The following BAIAP3 variants were observed in gnomAD, a reference collection of about 807,000 sequenced individuals.
The protein encoded by BAIAP3 is BAI1 associated protein 3.
Under a neutral mutation model 149.7 loss-of-function variants are expected in BAIAP3, and 180 were observed. That is an observed-to-expected ratio of 1.20 (90% CI 1.07 to 1.36). The LOEUF (loss-of-function observed/expected upper bound fraction) is 1.36, where lower values mean the gene tolerates loss of function less well. Among genes scored for constraint, BAIAP3 ranks in the 40% most tolerant of loss-of-function variants. The pLI, the probability that BAIAP3 is intolerant of heterozygous loss-of-function variation, is 0.00. For synonymous variants in BAIAP3, 845 were observed against 670.7 expected, an observed-to-expected ratio of 1.26 and a Z score of -4.02; for missense variants, 1,767 against 1,563.4, an observed-to-expected ratio of 1.13 and a Z score of -2.20.
Position 1,340,987 on chromosome 16 carries a change from G to T in BAIAP3, c.468+6G>T, listed in dbSNP as rs760196266. 3 of 1,599,740 alleles carry T rather than the reference G, an allele frequency of 1.9e-6. No homozygotes were observed. The highest frequency in any genetic ancestry group is 2.6e-6 in the Non-Finnish European group (3 of 1,174,018). ...AGCGAGTGAGGAAGGCCAAGGTGAG[G>T]CCGCCACTGCCTGGGCAGGCACTGA... On this transcript the variant is annotated splice_donor_region_variant and intron_variant, in intron 6 of 33. Coordinates refer to ENST00000426824, the MANE Select transcript of BAIAP3 (RefSeq NM_001199097.2).
In BAIAP3 at chr16:1,347,821, G is replaced by A. The variant is rs767985533; in HGVS notation, c.3025G>A (p.Gly1009Ser). Residue 1009 changes from glycine to serine, a missense_variant and splice_region_variant, in exon 31 of 34, where the codon GGC becomes AGC. Coordinates refer to ENST00000426824, the MANE Select transcript of BAIAP3 (RefSeq NM_001199097.2). ...GGACCTGCTCCCCCTGGACGCCAAC[G>A]GTGAGTTGCAGCGGGGACGGGTCGG... is the stretch of plus-strand genomic sequence containing the variant. ...AADLLPLDANGLSDPFVIVEL... is the reference protein window; with the variant it reads ...AADLLPLDANSLSDPFVIVEL... The A allele has an allele frequency of 1.5e-4, 234 of 1,603,538 alleles. 3 individuals carry two copies. The South Asian group carries it at 2.1e-3, about 14-fold the overall frequency.
At position 1,341,045 on chromosome 16, in the gene BAIAP3, C is replaced by T. The variant is rs1227260940; in HGVS notation, c.468+64C>T. On this transcript the variant is annotated intron_variant, in intron 6 of 33. Coordinates refer to ENST00000426824, the MANE Select transcript of BAIAP3 (RefSeq NM_001199097.2). Reference sequence around the variant, plus strand: ...GTGCCTGCGTGGCGGGGGCACGGGGCAAGGCCCTGTCACCTCCATGCTAAG... The same window carrying T: ...GTGCCTGCGTGGCGGGGGCACGGGGTAAGGCCCTGTCACCTCCATGCTAAG... 1.5e-5 allele frequency: 24 copies of T among 1,610,336 alleles called. No individual in the cohort carries two copies. The Admixed American group carries it at 4.0e-4, about 27-fold the overall frequency.
In BAIAP3 at chr16:1,338,886, C is replaced by T. The variant is rs751994231; in HGVS notation, c.132-16C>T. On this transcript the variant is annotated splice_polypyrimidine_tract_variant and intron_variant, in intron 2 of 33. Coordinates refer to ENST00000426824, the MANE Select transcript of BAIAP3 (RefSeq NM_001199097.2). Reference sequence around the variant, plus strand: ...AGCGTGCTGAGAGCTGTGAGCTGACCCGGCTCTTTCTCCAGGAAACCCGGG... The same window carrying T: ...AGCGTGCTGAGAGCTGTGAGCTGACTCGGCTCTTTCTCCAGGAAACCCGGG... 4 of 1,612,716 alleles carry T rather than the reference C, an allele frequency of 2.5e-6. No homozygotes were observed. In the African/African-American group the frequency reaches 4.0e-5, roughly 16 times the overall value.
rs762403186 is a variant in BAIAP3 at position 1,342,075 on chromosome 16, G to A, written c.854+12G>A. 1.3e-5 allele frequency: 20 copies of A among 1,593,044 alleles called. No individual in the cohort carries two copies. Among genetic ancestry groups the A allele is most frequent in the Non-Finnish European group, 1.5e-5 (17 of 1,169,402 alleles). On this transcript the variant is annotated intron_variant, in intron 10 of 33. Transcript: ENST00000426824. ...AAGGGCATGGGCAGGTATGACTGCTGGGACCTTTCTACCCATCACCCGTGC... is the reference window on the plus strand; with the variant it reads ...AAGGGCATGGGCAGGTATGACTGCTAGGACCTTTCTACCCATCACCCGTGC...
At chr16:1,341,931 C>T in intron 9 of BAIAP3, 55 bp from the exon 10 acceptor site, 2 of 1,589,854 alleles carry the variant, frequency 1.3e-6, no homozygotes, top group South Asian at 1.1e-5. Flanking sequence ...GCAGGACGGA[C>T]TCAGGGCCCG....
intron 5 of BAIAP3, 24 bp downstream of exon 5, chr16:1,339,627 C>T (rs533648313): frequency 6.4e-7 from 1 of 1,570,822 alleles, no homozygotes; most frequent in South Asian, 1.1e-5. Context: ...GACCCCGACC[C>T]AGACCCTGAC....
intron 1 of BAIAP3, chr16:1,334,818 G>A: frequency 2.1e-6 from 3 of 1,444,328 alleles, no homozygotes; most frequent in Non-Finnish European, 1.9e-6. Flanking sequence ...GAGTCGGGGG[G>A]CTGAGGGAGG....
At position 1,342,874 on chromosome 16, in the gene BAIAP3, G is replaced by T. The variant is rs761744186; in HGVS notation, c.1162-39G>T. On this transcript the variant is annotated intron_variant, in intron 13 of 33. Transcript: ENST00000426824. The stretch of plus-strand genomic sequence containing the variant: ...AGGGGGCCTGAGGAGGGGATGTGGG[G>T]CTGTCCCGCCTCCACCCACGACAGA... The T allele has an allele frequency of 1.6e-5, 25 of 1,611,712 alleles. No homozygotes were observed. In the South Asian group the frequency reaches 2.5e-4, roughly 16 times the overall value.
intron 14 of BAIAP3, 159 bp from the exon 15 acceptor site, chr16:1,343,234 G>C: frequency 1.6e-6 from 2 of 1,224,552 alleles, no homozygotes; most frequent in East Asian, 2.6e-5. Flanking sequence ...GAGTAGGTAC[G>C]GCAGCGCTAA....
In BAIAP3 at chr16:1,346,519, C is replaced by CG; in HGVS notation, c.2562+13dup. On this transcript the variant is annotated intron_variant, in intron 26 of 33. Transcript: ENST00000426824. Reference sequence around the variant, plus strand: ...CCATCCAGAACGATGAGGTGAGTGCCGGGGCGAGGGGCCGTGGAGGACTGT... The same window carrying CG: ...CCATCCAGAACGATGAGGTGAGTGCCGGGGGCGAGGGGCCGTGGAGGACTGT... 6.2e-7 allele frequency: 1 copy of CG among 1,607,390 alleles called. No homozygotes were observed. The highest frequency in any genetic ancestry group is 8.5e-7 in the Non-Finnish European group (1 of 1,177,390).
chr16:1,343,081 G>T, intron 14 of BAIAP3, 65 bp downstream of exon 14: 2 of 1,477,300 alleles, frequency 1.4e-6, no homozygotes, highest in Middle Eastern at 2.2e-4. Flanking sequence ...GGGCATCGGG[G>T]GCCATGCGGT....
chr16:1,346,479 G>T lies in BAIAP3; in HGVS notation c.2531G>T (p.Ser844Ile), dbSNP rs36074509. 1.2e-6 allele frequency: 2 copies of T among 1,612,296 alleles called. No individual in the cohort carries two copies. The highest frequency in any genetic ancestry group is 2.2e-5 in the South Asian group (2 of 90,872). ...ATCCGCAAGTATGTACAGCACATCAGTCTCTCGCCTGACTCCATCCAGAAC... is the reference window on the plus strand; with the variant it reads ...ATCCGCAAGTATGTACAGCACATCATTCTCTCGCCTGACTCCATCCAGAAC... Reference protein sequence around the residue: ...GDIRKYVQHISLSPDSIQNDE... With the variant: ...GDIRKYVQHIILSPDSIQNDE... Residue 844 changes from serine to isoleucine, a missense_variant, in exon 26 of 34, where the codon AGT becomes ATT. By Grantham distance (142) the Ser-to-Ile change is moderately radical (BLOSUM62 -2). Transcript: ENST00000426824.
chr16:1,335,467 G>GC (rs1485973356), intron 1 of BAIAP3, among the ~76,000 whole-genome samples: 2 of 152,054 alleles, frequency 1.3e-5, no homozygotes, highest in African/African-American at 4.8e-5. Flanking sequence ...AAAGACGGGG[G>GC]GTCCCCTGCA....
chr16:1,343,116 TG>T, intron 14 of BAIAP3, 100 bp downstream of exon 14: 2 of 496,406 alleles, frequency 4.0e-6, no homozygotes, highest in Non-Finnish European at 5.9e-6. Context: ...GCTGGGAGGG[TG>T]GGGCAGGGAA....
chr16:1,334,729 G>T, intron 1 of BAIAP3: 1 of 1,553,930 alleles, frequency 6.4e-7, no homozygotes, highest in Non-Finnish European at 8.7e-7. Flanking sequence ...ACCGCCATCG[G>T]CTTCGCAGGG....
intron 1 of BAIAP3, chr16:1,334,885 G>A (rs1422485878): frequency 1.3e-5 from 11 of 877,324 alleles, no homozygotes; most frequent in Non-Finnish European, 2.0e-5. Flanking sequence ...CCAGCCTGTG[G>A]GGCAGATGTC....
intron 5 of BAIAP3, 84 bp downstream of exon 5, chr16:1,339,687 A>G (rs2033723816): frequency 9.2e-7 from 1 of 1,086,684 alleles, no homozygotes; most frequent in Non-Finnish European, 1.4e-6. Context: ...ATCATCACCC[A>G]AACAGTATGC....
At chr16:1,336,134 G>A (rs1413894824) in intron 1 of BAIAP3, 3 of 869,766 alleles carry the variant, frequency 3.4e-6, no homozygotes, top group Middle Eastern at 5.9e-4. Context: ...AGCCCCCATC[G>A]CCCCTGTCAC....
chr16:1,338,473 C>CCCCGGGGGGGGGG, intron 1 of BAIAP3, 67 bp from the exon 2 acceptor site: 2 of 1,091,536 alleles, frequency 1.8e-6, no homozygotes, highest in Non-Finnish European at 2.4e-6. Flanking sequence ...CCCACCCCCC[C>CCCCGGGGGGGGGG]GCCTGCTGTG....
Sources: gnomAD v4.1 joint callset for allele counts (sites outside exome capture counted in the v4.1 genomes callset) on GRCh38, gnomAD v4.1.1 for gene constraint, MANE v1.5 for transcripts, NCBI Gene and HGNC (gene_info 2026-07-23, HGNC 2026-07-21) for gene names.